Variants in FARS2 observed in about 807,000 individuals in gnomAD.
FARS2 encodes the protein phenylalanine--tRNA ligase, mitochondrial.
Under a neutral mutation model 46.4 loss-of-function variants are expected in FARS2, and 40 were observed. The observed-to-expected ratio is 0.86, with a 90% CI of 0.67 to 1.12. FARS2 has a LOEUF of 1.12. FARS2 is among the 50% of genes most tolerant of loss of function. The probability of loss-of-function intolerance (pLI) is 0.00; values close to 1 mark genes in which losing one functional copy is unlikely to be tolerated. For missense variants in FARS2, 513 were observed against 567.9 expected (o/e 0.90, Z 0.98); for synonymous variants, 234 against 214.9 (o/e 1.09, Z -0.78).
At chr6:5,358,159 GT>G (rs1758056547) in intron 1 of FARS2, among the ~76,000 whole-genome samples, 1 of 152,062 alleles carries the variant, frequency 6.6e-6, no homozygotes, top group South Asian at 2.1e-4. Flanking sequence ...GCTTAAAATA[GT>G]TTTTAATATG....
At chr6:5,535,874 T>G (rs1770161274) in intron 4 of FARS2, among the ~76,000 whole-genome samples, 1 of 152,198 alleles carries the variant, frequency 6.6e-6, no homozygotes, top group Non-Finnish European at 1.5e-5. Flanking sequence ...CTTGCACTCC[T>G]GGGGTAAATC....
chr6:5,409,419 C>A (rs1375483563), intron 3 of FARS2, among the ~76,000 whole-genome samples: 1 of 149,466 alleles, frequency 6.7e-6, no homozygotes, highest in Non-Finnish European at 1.5e-5. Context: ...CCACCGTACT[C>A]CAGCCTGGGC....
intron 1 of FARS2, among the ~76,000 whole-genome samples, chr6:5,347,805 A>T (rs1200920791): frequency 6.6e-6 from 1 of 152,204 alleles, no homozygotes; most frequent in Non-Finnish European, 1.5e-5. Context: ...CTTCACCGAC[A>T]TTTGGTGTTT....
intron 4 of FARS2, among the ~76,000 whole-genome samples, chr6:5,446,066 G>C (rs181364230): frequency 6.6e-6 from 1 of 152,060 alleles, no homozygotes; most frequent in Non-Finnish European, 1.5e-5. Flanking sequence ...AGCCGGGCGT[G>C]GGGGCGGGCA....
At chr6:5,721,661 T>C (rs550016155) in intron 6 of FARS2, among the ~76,000 whole-genome samples, 1 of 152,336 alleles carries the variant, frequency 6.6e-6, no homozygotes, top group East Asian at 1.9e-4. Flanking sequence ...TCACCAATCC[T>C]ATCAGGAATG....
At chr6:5,432,411 A>G (rs1763259972) in intron 4 of FARS2, among the ~76,000 whole-genome samples, 1 of 127,508 alleles carries the variant, frequency 7.8e-6, no homozygotes, top group East Asian at 2.0e-4. Context: ...TATGTATTAT[A>G]TATAATATAT....
At chr6:5,425,856 C>G (rs1393778347) in intron 3 of FARS2, among the ~76,000 whole-genome samples, 1 of 152,258 alleles carries the variant, frequency 6.6e-6, no homozygotes, top group African/African-American at 2.4e-5. Flanking sequence ...ATTGCTGCCT[C>G]TTGAGAAAAC....
intron 6 of FARS2, among the ~76,000 whole-genome samples, chr6:5,768,474 C>T (rs984033651): frequency 6.6e-6 from 1 of 152,096 alleles, no homozygotes; most frequent in Non-Finnish European, 1.5e-5. Context: ...GCCATATTAC[C>T]AGCTCTTCTG....
intron 5 of FARS2, among the ~76,000 whole-genome samples, chr6:5,568,240 A>G (rs1772433291): frequency 6.6e-6 from 1 of 152,176 alleles, no homozygotes; most frequent in Non-Finnish European, 1.5e-5. Context: ...AACTGTCAAC[A>G]TAGCAAGGGG....
chr6:5,690,135 TC>T (rs1341833019), intron 6 of FARS2, among the ~76,000 whole-genome samples: 2 of 152,240 alleles, frequency 1.3e-5, no homozygotes, highest in African/African-American at 4.8e-5. Context: ...CACTGATGGG[TC>T]TTGACTTTTT....
chr6:5,341,188 G>GATAGAT (rs1771535603), intron 1 of FARS2, among the ~76,000 whole-genome samples: 1 of 34,188 alleles, frequency 2.9e-5, no homozygotes, highest in Non-Finnish European at 5.3e-5. Context: ...GCCATGGGGA[G>GATAGAT]ATATATATAT....
At chr6:5,269,553 A>G (rs775324383) in intron 1 of FARS2, among the ~76,000 whole-genome samples, 5 of 151,370 alleles carry the variant, frequency 3.3e-5, no homozygotes, top group African/African-American at 7.3e-5. Flanking sequence ...TAATTTTTCT[A>G]GTGACATATT....
At chr6:5,360,466 T>C (rs2127624434) in intron 1 of FARS2, among the ~76,000 whole-genome samples, 1 of 152,328 alleles carries the variant, frequency 6.6e-6, no homozygotes, top group East Asian at 1.9e-4. Context: ...ATGAAAAATG[T>C]ATTTCTATTT....
At chr6:5,639,617 T>C (rs2150736420) in intron 6 of FARS2, among the ~76,000 whole-genome samples, 1 of 152,326 alleles carries the variant, frequency 6.6e-6, no homozygotes, top group African/African-American at 2.4e-5. Flanking sequence ...TGTTGTAAAC[T>C]GGGGAATCAG....
intron 4 of FARS2, among the ~76,000 whole-genome samples, chr6:5,538,985 T>C (rs1441711942): frequency 3.9e-5 from 6 of 152,050 alleles, no homozygotes. Flanking sequence ...ACACAGGTGG[T>C]GGGATTTTAT....
rs146536919 is a variant in FARS2 at position 5,461,307 on chromosome 6, G to A, written c.904+30135G>A. ...CACCCACCTTGGCCTCCCAAAGTGC[G>A]GAGATTACAGGCATGAGCCACCACG... On this transcript the variant is annotated intron_variant, in intron 4 of 6. Transcript: ENST00000274680. Among the ~76,000 whole-genome samples the A allele has an allele frequency of 9.6e-3, 1,458 of 152,060 alleles. 21 individuals are homozygous for A. Among genetic ancestry groups the A allele is most frequent in the African/African-American group, 0.033 (1,365 of 41,460 alleles).
intron 4 of FARS2, among the ~76,000 whole-genome samples, chr6:5,511,502 G>A (rs1768448789): frequency 6.6e-6 from 1 of 152,034 alleles, no homozygotes; most frequent in Non-Finnish European, 1.5e-5. Flanking sequence ...CCAGGAATAG[G>A]TACAATTAAG....
chr6:5,494,622 C>G (rs759924563), intron 4 of FARS2, among the ~76,000 whole-genome samples: 3 of 152,332 alleles, frequency 2.0e-5, no homozygotes, highest in East Asian at 1.9e-4. Context: ...TCTCTTCTCT[C>G]TCTTCCTACT....
At chr6:5,270,019 G>A (rs894398082) in intron 1 of FARS2, among the ~76,000 whole-genome samples, 2 of 152,218 alleles carry the variant, frequency 1.3e-5, no homozygotes, top group African/African-American at 4.8e-5. Flanking sequence ...ATAAAAGCCT[G>A]GCTTCTGTGA....
Sources: gnomAD v4.1 joint callset for allele counts (sites outside exome capture counted in the v4.1 genomes callset) on GRCh38, gnomAD v4.1.1 for gene constraint, MANE v1.5 for transcripts, NCBI Gene and HGNC (gene_info 2026-07-23, HGNC 2026-07-21) for gene names.